STK25: variants seen among roughly 807,000 people sequenced by gnomAD.
STK25 encodes the protein serine/threonine kinase 25, also known as serine/threonine-protein kinase 25.
STK25 carries 29 observed loss-of-function variants against 53.8 expected under a neutral mutation model. That is an observed-to-expected ratio of 0.54 (90% CI 0.40 to 0.74). STK25 has a LOEUF of 0.74. STK25 is among the 30% of genes least tolerant of loss of function. The probability of loss-of-function intolerance (pLI) is 0.00; values close to 1 mark genes in which losing one functional copy is unlikely to be tolerated. For missense variants in STK25, 420 were observed against 568.0 expected (o/e 0.74, Z 2.65); for synonymous variants, 247 against 238.3 (o/e 1.04, Z -0.33).
chr2:241,499,498 C>G, intron 5 of STK25, 84 bp from the exon 6 acceptor site: 4 of 1,507,538 alleles, frequency 2.7e-6, no homozygotes, highest in Non-Finnish European at 3.6e-6. Flanking sequence ...AGGGTACCAT[C>G]CACCTGGCCT....
rs575196011 is a variant in STK25, at chr2:241,498,817, G to A, written c.772-33C>T. 3 of 1,612,626 alleles carry A rather than the reference G, an allele frequency of 1.9e-6. No individual in the cohort carries two copies. The South Asian group carries it at 3.3e-5, about 18-fold the overall frequency. On this transcript the variant is annotated intron_variant, in intron 7 of 11. Transcript: ENST00000316586. ...GGGTCAGGGGAACACTAGTCACTGG[G>A]CCCAGCCAAGCTCTGCCTAAGGGAA...
At chr2:241,497,541 G>C (rs2065246155) in intron 10 of STK25, 75 bp downstream of exon 10, 2 of 1,460,822 alleles carry the variant, frequency 1.4e-6, no homozygotes, top group East Asian at 4.6e-5. Context: ...TGCTGTGAGG[G>C]AGACATCTCC....
In STK25 at chr2:241,501,820, A is replaced by G. The variant is rs2124981276; in HGVS notation, c.31-112T>C. ...GGGACCTGTAGGGAAGGGGGAGTCC[A>G]AGGGAGCGCACCTCAATTCTTCTCT... is the stretch of plus-strand genomic sequence containing the variant. On this transcript the variant is annotated intron_variant, in intron 2 of 11. Coordinates refer to ENST00000316586, the MANE Select transcript of STK25 (RefSeq NM_001271977.2). This position sits in a 1 kb window ranked among gnomAD's most constrained non-coding sequence, Gnocchi z 5.3. 2 of 705,740 alleles carry G rather than the reference A, an allele frequency of 2.8e-6. No individual in the cohort carries two copies. Among genetic ancestry groups the G allele is most frequent in the South Asian group, 1.8e-5 (1 of 56,422 alleles). 43.7% of individuals were successfully genotyped at this position (705,740 alleles called of 1,614,324 possible).
intron 2 of STK25, among the ~76,000 whole-genome samples, chr2:241,504,511 T>C (rs1417727192): frequency 6.6e-6 from 1 of 152,208 alleles, no homozygotes; most frequent in Non-Finnish European, 1.5e-5. Flanking sequence ...CCATGTGTTC[T>C]AAAGAGAAGC....
rs2065146411 is a variant in STK25 at position 241,496,223 on chromosome 2, C to A, written c.1241+175G>T. 6.7e-6 allele frequency among the ~76,000 whole-genome samples: 1 copy of A among 149,670 alleles called. No individual in the cohort carries two copies. The highest frequency in any genetic ancestry group is 1.5e-5 in the Non-Finnish European group (1 of 67,024). ...CTCTCCAGCCCCAAAGTCTCCATGG[C>A]CCTGTGAGCTGGGTCCAAACAAGGA... On this transcript the variant is annotated intron_variant, in intron 11 of 11. Transcript: ENST00000316586. This position sits in a 1 kb window ranked among gnomAD's most constrained non-coding sequence, Gnocchi z 5.8.
rs533523623 is a variant in STK25 at position 241,495,333 on chromosome 2, G to A, written c.*329C>T. 2.2e-4 allele frequency: 65 copies of A among 298,586 alleles called. No individual in the cohort carries two copies. Among genetic ancestry groups the A allele is most frequent in the Non-Finnish European group, 3.6e-4 (56 of 156,372 alleles). 18.5% of individuals were successfully genotyped at this position (298,586 alleles called of 1,614,324 possible). A position where few individuals can be genotyped will look rare whatever the true frequency, so the allele number is the denominator to read the frequency against. On this transcript the variant is annotated 3_prime_UTR_variant, in exon 12 of 12. Coordinates refer to ENST00000316586, the MANE Select transcript of STK25 (RefSeq NM_001271977.2). The stretch of plus-strand genomic sequence containing the variant: ...AGTTGCTCTGCGCCTTGGTCTGAGC[G>A]GCCATAGGGCTGCATGAGTCTGCAG...
Position 241,499,484 on chromosome 2 carries a change from G to C in STK25, c.428-70C>G, listed in dbSNP as rs140997042. The C allele has an allele frequency of 1.2e-3, 1,887 of 1,551,828 alleles. 5 individuals are homozygous for C. The highest frequency in any genetic ancestry group is 1.3e-3 in the Non-Finnish European group (1,532 of 1,149,216). The stretch of plus-strand genomic sequence containing the variant: ...GCTCCACCCCGGGCCCCCTGAGAAG[G>C]GCCAGGGTACCATCCACCTGGCCTC... On this transcript the variant is annotated intron_variant, in intron 5 of 11. Transcript: ENST00000316586.
chr2:241,497,811 T>C, intron 9 of STK25, 124 bp from the exon 10 acceptor site: 1 of 974,940 alleles, frequency 1.0e-6, no homozygotes, highest in South Asian at 1.5e-5. Flanking sequence ...GGGGCACATG[T>C]CCAGGGCCGG....
chr2:241,499,748 GC>G (rs1409571101), intron 5 of STK25: 4 of 480,158 alleles, frequency 8.3e-6, no homozygotes, highest in African/African-American at 5.8e-5. Flanking sequence ...CTGCCAGGAA[GC>G]CCCCTGCTCC....
In STK25 at chr2:241,496,757, C is replaced by T. The variant is rs971486282; in HGVS notation, c.1105-223G>A. 2.8e-4 allele frequency among the ~76,000 whole-genome samples: 42 copies of T among 151,940 alleles called. No individual in the cohort carries two copies. Among genetic ancestry groups the T allele is most frequent in the African/African-American group, 9.9e-4 (41 of 41,344 alleles). ...GGTCCTTCCCCACAGCACCTACCTTCCCCCTACACTCCGGGGAATCTCGGA... is the reference window on the plus strand; with the variant it reads ...GGTCCTTCCCCACAGCACCTACCTTTCCCCTACACTCCGGGGAATCTCGGA... On this transcript the variant is annotated intron_variant, in intron 10 of 11. Transcript: ENST00000316586. This position sits in a 1 kb window ranked among gnomAD's most constrained non-coding sequence, Gnocchi z 5.8.
chr2:241,500,975 T>A, intron 3 of STK25, 179 bp from the exon 4 acceptor site: 1 of 615,966 alleles, frequency 1.6e-6, no homozygotes, highest in South Asian at 2.0e-5. Context: ...GCCACACTAC[T>A]GCTACAGATG....
chr2:241,497,643 G>A lies in STK25; in HGVS notation c.1077C>T (p.Ser359=), dbSNP rs1265373187. The change falls in exon 10 of 12, where the codon TCC becomes TCT. Residue 359 remains serine, a synonymous_variant. Coordinates refer to ENST00000316586, the MANE Select transcript of STK25 (RefSeq NM_001271977.2). Reference sequence around the variant, plus strand: ...CTCCGAAGACGGGCCGGACCAGCGTGGACAGGCACTGGGACCTCGGCTGCC... The same window carrying A: ...CTCCGAAGACGGGCCGGACCAGCGTAGACAGGCACTGGGACCTCGGCTGCC... ...VKRQPRSQCL[S]TLVRPVFGEL... 6.2e-7 allele frequency: 1 copy of A among 1,613,430 alleles called. No individual in the cohort carries two copies. The highest frequency in any genetic ancestry group is 8.5e-7 in the Non-Finnish European group (1 of 1,180,010).
chr2:241,508,230 G>A (rs934995124), intron 1 of STK25, 95 bp from the exon 2 acceptor site: 9 of 1,328,106 alleles, frequency 6.8e-6, no homozygotes, highest in Middle Eastern at 2.8e-4. Context: ...GGGCCCAGGA[G>A]ACCCCCCAGG....
At chr2:241,497,709 G>A in intron 9 of STK25, 22 bp from the exon 10 acceptor site, 1 of 1,612,020 alleles carries the variant, frequency 6.2e-7, no homozygotes, top group Middle Eastern at 1.7e-4. Context: ...TGGAGGCCCA[G>A]GGTGAGCAGG....
At chr2:241,504,954 T>C (rs2065735019) in intron 2 of STK25, among the ~76,000 whole-genome samples, 1 of 151,168 alleles carries the variant, frequency 6.6e-6, no homozygotes, top group Admixed American at 6.6e-5. Context: ...TCTCACTCTG[T>C]TGCCCAGGCT....
In STK25 at chr2:241,508,041, C is replaced by A; in HGVS notation, c.-6G>T. 1 of 1,604,758 alleles carries A rather than the reference C, an allele frequency of 6.2e-7. No individual in the cohort carries two copies. On this transcript the variant is annotated 5_prime_UTR_variant, in exon 2 of 12. Transcript: ENST00000316586. ...AATCCCCGGAGGTGAGCCATGGCCG[C>A]GCCGCCTCAGACCCTCCGCCAGCAG...
intron 11 of STK25, 62 bp from the exon 12 acceptor site, chr2:241,495,763 T>A: frequency 6.3e-7 from 1 of 1,594,496 alleles, no homozygotes; most frequent in Non-Finnish European, 8.6e-7. Context: ...CCTGACGGCC[T>A]CTTGGGTGTG....
intron 10 of STK25, 69 bp downstream of exon 10, chr2:241,497,547 T>G: frequency 6.7e-7 from 1 of 1,497,242 alleles, no homozygotes; most frequent in South Asian, 1.1e-5. Flanking sequence ...GAGGGAGACA[T>G]CTCCGTGCAA....
Position 241,494,205 on chromosome 2 carries a change from C to T in STK25, c.*1457G>A, listed in dbSNP as rs2065041203. 2 of 845,078 alleles carry T rather than the reference C, an allele frequency of 2.4e-6. No homozygotes were observed. The highest frequency in any genetic ancestry group is 3.5e-6 in the Non-Finnish European group (2 of 574,962). 52.3% of individuals were successfully genotyped at this position (845,078 alleles called of 1,614,324 possible). On this transcript the variant is annotated 3_prime_UTR_variant, in exon 12 of 12. Transcript: ENST00000316586. This position sits in a 1 kb window ranked among gnomAD's most constrained non-coding sequence, Gnocchi z 4.9. ...TGACCTCTGTCCTGAGGCTTCTCAA[C>T]AGATGGGAAGTGGCTGTGGTCTCAC...
Sources: allele counts gnomAD v4.1 joint callset (sites outside exome capture counted in the v4.1 genomes callset), GRCh38; gene constraint gnomAD v4.1.1; non-coding constraint Gnocchi (gnomAD v3.1); transcripts MANE v1.5; gene names NCBI Gene and HGNC (gene_info 2026-07-23, HGNC 2026-07-21).